TMEM39B: variants seen among roughly 807,000 people sequenced by gnomAD.
The protein encoded by TMEM39B is transmembrane protein 39B.
A neutral mutation model predicts 52.2 loss-of-function variants in TMEM39B; 23 were observed. The ratio of observed to expected loss-of-function variants is 0.44; its 90% confidence interval spans 0.32 to 0.62. The LOEUF is 0.62. Ranked by LOEUF, TMEM39B falls within the 20% of genes least tolerant of loss-of-function variation. The pLI, the probability that TMEM39B is intolerant of heterozygous loss-of-function variation, is 0.06. For missense variants in TMEM39B, 547 were observed against 642.0 expected (o/e 0.85, Z 1.60); for synonymous variants, 285 against 264.0 (o/e 1.08, Z -0.77).
chr1:32,097,940 CT>C (rs1328884565), intron 7 of TMEM39B, among the ~76,000 whole-genome samples: 1 of 151,872 alleles, frequency 6.6e-6, no homozygotes, highest in Non-Finnish European at 1.5e-5. Flanking sequence ...CCCCCAACTT[CT>C]TTTATTCAGC....
intron 5 of TMEM39B, among the ~76,000 whole-genome samples, chr1:32,089,533 A>G (rs1255906237): frequency 5.9e-5 from 9 of 151,992 alleles, no homozygotes; most frequent in Admixed American, 5.3e-4. Context: ...ATTGACCACA[A>G]TTATGGTAGC....
chr1:32,102,795 T>G lies in TMEM39B; in HGVS notation c.*122T>G, dbSNP rs1569966565. 3 of 1,190,966 alleles carry G rather than the reference T, an allele frequency of 2.5e-6. No individual in the cohort carries two copies. In the East Asian group the frequency reaches 8.2e-5, roughly 33 times the overall value. The allele number at this position is 1,190,966 out of a possible 1,614,324, so 73.8% of individuals were successfully genotyped here. ...CAAAAAAATCCACCAGAGCTTTGTA[T>G]TTTTGTTACGTACTGTTTCTTTGAT... is the stretch of plus-strand genomic sequence containing the variant. On this transcript the variant is annotated 3_prime_UTR_variant, in exon 9 of 9. Transcript: ENST00000336294.
rs761440235 is a variant in TMEM39B at position 32,073,007 on chromosome 1, A to C, written c.-41A>C. ...CCGTCGCCTCCGACATATTGCCCGC[A>C]GGAGCTGCGGCGGCGAAGCGGAGAG... On this transcript the variant is annotated 5_prime_UTR_variant, in exon 1 of 9. Coordinates refer to ENST00000336294, the MANE Select transcript of TMEM39B (RefSeq NM_018056.4). 1.0e-5 allele frequency: 16 copies of C among 1,533,048 alleles called. No homozygotes were observed. Among genetic ancestry groups the C allele is most frequent in the South Asian group, 9.6e-5 (8 of 83,158 alleles). The allele number at this position is 1,533,048 out of a possible 1,614,324, so 95.0% of individuals were successfully genotyped here.
At chr1:32,092,804 A>G (rs932396894) in intron 6 of TMEM39B, among the ~76,000 whole-genome samples, 3 of 152,074 alleles carry the variant, frequency 2.0e-5, no homozygotes, top group African/African-American at 4.8e-5. Flanking sequence ...TGTCCATTTT[A>G]GAGTGCAGAG....
chr1:32,092,904 A>G (rs1002711267), intron 6 of TMEM39B, among the ~76,000 whole-genome samples: 9 of 152,358 alleles, frequency 5.9e-5, no homozygotes, highest in African/African-American at 2.2e-4. Context: ...CTTGATTACA[A>G]AGACTAGTGA....
At position 32,077,172 on chromosome 1, in the gene TMEM39B, G is replaced by A. The variant is rs139522223; in HGVS notation, c.444G>A (p.Gln148=). ...ATCTTGCCCCGACCCAGGCCTCTCA[G>A]AGGGGGAAGGTCTCCCTCTTTCGCT... ...FIGSIVKEAS[Q]RGKVSLFRSI... The change falls in exon 5 of 9, where the codon CAG becomes CAA. Residue 148 remains glutamine (Q), a synonymous_variant. Coordinates refer to ENST00000336294, the MANE Select transcript of TMEM39B (RefSeq NM_018056.4). The A allele has an allele frequency of 2.2e-4, 358 of 1,614,138 alleles. No homozygotes were observed. In the African/African-American group the frequency reaches 4.1e-3, roughly 19 times the overall value.
intron 5 of TMEM39B, among the ~76,000 whole-genome samples, chr1:32,082,246 G>A (rs1640130393): frequency 6.6e-6 from 1 of 151,756 alleles, no homozygotes; most frequent in Non-Finnish European, 1.5e-5. Context: ...ATATCGTCAA[G>A]CTTGACATTC....
chr1:32,075,641 C>T lies in TMEM39B; in HGVS notation c.170C>T (p.Ala57Val). 6.4e-7 allele frequency: 1 copy of T among 1,551,668 alleles called. No homozygotes were observed. Among genetic ancestry groups the T allele is most frequent in the Non-Finnish European group, 8.7e-7 (1 of 1,147,016 alleles). The change falls in exon 3 of 9, where the codon GCC becomes GTC. Residue 57 changes from alanine to valine, a missense_variant. Transcript: ENST00000336294. Reference protein sequence around the residue: ...SGTGLSSPPLATQTVVPLQHC... With the variant: ...SGTGLSSPPLVTQTVVPLQHC... ...ACAGGCCTCTCCAGCCCTCCTCTGG[C>T]CACCCAAACTGTTGTGCCTCTACAG...
rs368125726 is a variant in TMEM39B, at chr1:32,091,855, C to T, written c.771C>T (p.Asp257=). The T allele has an allele frequency of 1.5e-5, 25 of 1,614,104 alleles. No individual in the cohort carries two copies. Among genetic ancestry groups the T allele is most frequent in the East Asian group, 2.2e-5 (1 of 44,898 alleles). ...KQHTRQLYGP[D]AMPTHACCLS... ...ACACAAGACAGCTGTATGGCCCGGA[C>T]GCCATGCCCACCCATGCCTGCTGCC... Residue 257 remains aspartate (D), a synonymous_variant, in exon 6 of 9, where the codon GAC becomes GAT. Coordinates refer to ENST00000336294, the MANE Select transcript of TMEM39B (RefSeq NM_018056.4).
chr1:32,091,661 G>A lies in TMEM39B; in HGVS notation c.591-14G>A, dbSNP rs369593340. The A allele has an allele frequency of 1.1e-5, 17 of 1,572,348 alleles. No homozygotes were observed. The African/African-American group carries it at 1.5e-4, about 14-fold the overall frequency. ...CATGGGCAGGCCTTCCCTCACCACCGTCTTCCCCAGCAGGTTTGGGATGTA... is the reference window on the plus strand; with the variant it reads ...CATGGGCAGGCCTTCCCTCACCACCATCTTCCCCAGCAGGTTTGGGATGTA... On this transcript the variant is annotated splice_polypyrimidine_tract_variant and intron_variant, in intron 5 of 8. Coordinates refer to ENST00000336294, the MANE Select transcript of TMEM39B (RefSeq NM_018056.4).
chr1:32,073,263 A>C (rs1486193517), intron 1 of TMEM39B: 2 of 592,256 alleles, frequency 3.4e-6, no homozygotes, highest in Non-Finnish European at 5.2e-6. Flanking sequence ...GGGGCTTCTA[A>C]GACGAAGCCC....
chr1:32,081,026 T>A (rs1356945566), intron 5 of TMEM39B, among the ~76,000 whole-genome samples: 1 of 151,794 alleles, frequency 6.6e-6, no homozygotes, highest in Non-Finnish European at 1.5e-5. Context: ...TGAGACCCTG[T>A]CTCTAAAAAT....
chr1:32,093,117 T>A (rs1344812575), intron 6 of TMEM39B, among the ~76,000 whole-genome samples: 2 of 152,004 alleles, frequency 1.3e-5, no homozygotes, highest in Admixed American at 6.6e-5. Context: ...TCTTTTTTTT[T>A]AGACGGAGTC....
rs1639904415 is a variant in TMEM39B, at chr1:32,077,253, G to A, written c.525G>A (p.Leu175=). 2 of 1,614,168 alleles carry A rather than the reference G, an allele frequency of 1.2e-6. No individual in the cohort carries two copies. Among genetic ancestry groups the A allele is most frequent in the Non-Finnish European group, 1.7e-6 (2 of 1,180,038 alleles). Residue 175 remains leucine, a synonymous_variant, in exon 5 of 9, where the codon CTG becomes CTA. Coordinates refer to ENST00000336294, the MANE Select transcript of TMEM39B (RefSeq NM_018056.4). ...TTCTCACGGCAACAGGCTGGAGTCT[G>A]TGCCGATCCCTCATCCACCTCTTCA... The part of the protein sequence containing the change: ...FTVLTATGWS[L]CRSLIHLFRT...
At chr1:32,101,912 A>G (rs1375608732) in intron 8 of TMEM39B, among the ~76,000 whole-genome samples, 1 of 151,962 alleles carries the variant, frequency 6.6e-6, no homozygotes, top group Non-Finnish European at 1.5e-5. Flanking sequence ...GGCAGCTTCC[A>G]GCCTAGCTAG....
At chr1:32,085,746 G>A (rs926476994) in intron 5 of TMEM39B, among the ~76,000 whole-genome samples, 3 of 142,994 alleles carry the variant, frequency 2.1e-5, no homozygotes, top group African/African-American at 8.1e-5. Flanking sequence ...GCGAGACTCT[G>A]TCTCAAAAAA....
rs538164987 is a variant in TMEM39B at position 32,077,156 on chromosome 1, C to T, written c.436-8C>T. 2.0e-5 allele frequency: 32 copies of T among 1,613,852 alleles called. 2 individuals carry two copies. Among genetic ancestry groups the T allele is most frequent in the South Asian group, 1.9e-4 (17 of 91,062 alleles). On this transcript the variant is annotated splice_polypyrimidine_tract_variant and splice_region_variant and intron_variant, in intron 4 of 8. Coordinates refer to ENST00000336294, the MANE Select transcript of TMEM39B (RefSeq NM_018056.4). ...GGCCCCATCCCGTCCTATCTTGCCC[C>T]GACCCAGGCCTCTCAGAGGGGGAAG... is the stretch of plus-strand genomic sequence containing the variant.
At chr1:32,076,083 T>G (rs1390447801) in intron 3 of TMEM39B, 3 of 302,158 alleles carry the variant, frequency 9.9e-6, no homozygotes, top group Non-Finnish European at 1.8e-5. Context: ...GAGCTCAGAG[T>G]CCTTTTCTTT....
Position 32,100,560 on chromosome 1 carries a change from C to G in TMEM39B, c.1234C>G (p.His412Asp). Residue 412 changes from histidine (H) to aspartate (D), a missense_variant and splice_region_variant, in exon 8 of 9, where the codon CAT (histidine) becomes GAT (aspartate). His to Asp is a moderately conservative substitution (Grantham distance 81). Coordinates refer to ENST00000336294, the MANE Select transcript of TMEM39B (RefSeq NM_018056.4). ...IPSDVSHFRFHFFFSKPLRIL... is the reference protein window; with the variant it reads ...IPSDVSHFRFDFFFSKPLRIL... ...CTCTGACGTCTCCCACTTCCGCTTC[C>G]ATGTGAGTCTCCTCCCCGGGGAAGG... 6.2e-7 allele frequency: 1 copy of G among 1,614,158 alleles called. No individual in the cohort carries two copies. The highest frequency in any genetic ancestry group is 8.5e-7 in the Non-Finnish European group (1 of 1,180,002).
Sources: gnomAD v4.1 joint callset for allele counts (sites outside exome capture counted in the v4.1 genomes callset) on GRCh38, gnomAD v4.1.1 for gene constraint, MANE v1.5 for transcripts, NCBI Gene and HGNC (gene_info 2026-07-23, HGNC 2026-07-21) for gene names.